The following STK10 variants were observed in gnomAD, a reference collection of about 807,000 sequenced individuals.
The protein encoded by STK10 is serine/threonine kinase 10.
STK10 carries 78 observed loss-of-function variants against 113.8 expected under a neutral mutation model. The ratio of observed to expected loss-of-function variants is 0.69; its 90% CI spans 0.57 to 0.83. The LOEUF (loss-of-function observed/expected upper bound fraction) is 0.83. Ranked by LOEUF, STK10 falls within the 40% of genes least tolerant of loss-of-function variation. The pLI is 0.00. For missense variants in STK10, 1,109 were observed against 1,280.1 expected (o/e 0.87, Z 2.04); for synonymous variants, 465 against 494.7 (o/e 0.94, Z 0.80).
intron 1 of STK10, among the ~76,000 whole-genome samples, chr5:172,174,752 A>T (rs186132878): frequency 1.6e-4 from 24 of 152,318 alleles, no homozygotes; most frequent in African/African-American, 5.1e-4. Context: ...CCAGCTGTAC[A>T]GAGTCACAGG....
intron 2 of STK10, among the ~76,000 whole-genome samples, chr5:172,153,273 C>G (rs1180016261): frequency 7.9e-6 from 1 of 126,552 alleles, no homozygotes. Flanking sequence ...GCAACAGGAG[C>G]AAAACTCCAT....
chr5:172,132,463 C>A (rs1179376368), intron 2 of STK10, among the ~76,000 whole-genome samples: 1 of 151,796 alleles, frequency 6.6e-6, no homozygotes, highest in African/African-American at 2.4e-5. Context: ...CCGTGCCCAC[C>A]CGTGATGAAG....
chr5:172,177,269 A>G (rs187918761), intron 1 of STK10, among the ~76,000 whole-genome samples: 16 of 152,286 alleles, frequency 1.1e-4, no homozygotes, highest in South Asian at 2.1e-4. Flanking sequence ...GAAGCAGAGC[A>G]GGCCCTCGTT....
chr5:172,176,487 G>C (rs17074401), intron 1 of STK10, among the ~76,000 whole-genome samples: 1 of 151,938 alleles, frequency 6.6e-6, no homozygotes, highest in Non-Finnish European at 1.5e-5. Context: ...GGTCACCAGG[G>C]TCGGTCACTC....
At chr5:172,050,685 CA>C (rs1261827330) in intron 18 of STK10, among the ~76,000 whole-genome samples, 2 of 152,066 alleles carry the variant, frequency 1.3e-5, no homozygotes, top group Non-Finnish European at 2.9e-5. Flanking sequence ...AACCTGTGTC[CA>C]CCAGCCTGAA....
chr5:172,078,759 G>A (rs892523443), intron 12 of STK10, among the ~76,000 whole-genome samples: 1 of 148,332 alleles, frequency 6.7e-6, no homozygotes, highest in African/African-American at 2.6e-5. Context: ...AACCCCAGGT[G>A]CCAGATCCCA....
At position 172,042,962 on chromosome 5, in the gene STK10, C is replaced by T. The variant is rs1767408852; in HGVS notation, c.*1920G>A. 1 of 152,292 alleles carries T rather than the reference C, an allele frequency of 6.6e-6. No individual in the cohort carries two copies. The allele number at this position is 152,292 out of a possible 1,614,324, so 9.4% of individuals were successfully genotyped here. On this transcript the variant is annotated 3_prime_UTR_variant, in exon 19 of 19. Transcript: ENST00000176763. ...CTTTAGAAAGACAGAGTATACAGAA[C>T]CTTAACCTAGCTGGGTGCAGTAGCA...
chr5:172,055,868 G>T (rs1767741291), intron 15 of STK10, 92 bp from the exon 16 acceptor site: 2 of 1,150,456 alleles, frequency 1.7e-6, no homozygotes. Context: ...CCACTCAGGG[G>T]CCCAGGACCA....
At chr5:172,149,071 G>A (rs1281762483) in intron 2 of STK10, among the ~76,000 whole-genome samples, 1 of 152,204 alleles carries the variant, frequency 6.6e-6, no homozygotes, top group Non-Finnish European at 1.5e-5. Flanking sequence ...GGAGGCTAAG[G>A]AGGGAGGATT....
intron 2 of STK10, among the ~76,000 whole-genome samples, chr5:172,137,786 G>A (rs1039314912): frequency 4.7e-5 from 7 of 150,130 alleles, no homozygotes; most frequent in South Asian, 4.2e-4. Context: ...CCAGCTACTC[G>A]GGAGGCTGAG....
intron 2 of STK10, among the ~76,000 whole-genome samples, 160 bp downstream of exon 2, chr5:172,156,464 G>C (rs1770349957): frequency 6.6e-6 from 1 of 152,244 alleles, no homozygotes; most frequent in African/African-American, 2.4e-5. Flanking sequence ...ACAGGAAAGG[G>C]TGGGTAAGTG....
chr5:172,161,326 G>A (rs556408445), intron 1 of STK10, among the ~76,000 whole-genome samples: 11 of 152,106 alleles, frequency 7.2e-5, no homozygotes, highest in Admixed American at 5.9e-4. Flanking sequence ...GGTGGTGACC[G>A]CCTGTAGTCC....
rs1768603668 is a variant in STK10 at position 172,087,743 on chromosome 5, C to T, written c.1685+2489G>A. ...TCCCGGGTTCACGCCATTCTCCTGC[C>T]TCAGCCTCCCGAGTAGCTGGGACTA... On this transcript the variant is annotated intron_variant, in intron 10 of 18. Transcript: ENST00000176763. Among the ~76,000 whole-genome samples the T allele has an allele frequency of 9.0e-5, 12 of 133,860 alleles. 1 individual carries two copies. In the South Asian group the frequency reaches 2.8e-3, roughly 31 times the overall value. 87.8% of individuals were successfully genotyped at this position (133,860 alleles called of 152,430 possible).
At chr5:172,160,336 G>A (rs1788007240) in intron 1 of STK10, among the ~76,000 whole-genome samples, 1 of 151,872 alleles carries the variant, frequency 6.6e-6, no homozygotes, top group African/African-American at 2.4e-5. Context: ...CTAGCCAAGT[G>A]TGGTGGCACA....
chr5:172,091,344 C>G (rs1392381253), intron 9 of STK10, among the ~76,000 whole-genome samples: 1 of 152,168 alleles, frequency 6.6e-6, no homozygotes, highest in African/African-American at 2.4e-5. Context: ...GCATAATCGT[C>G]ATCTTTTCCT....
intron 2 of STK10, 26 bp from the exon 3 acceptor site, chr5:172,127,447 C>A: frequency 4.3e-6 from 7 of 1,612,708 alleles, no homozygotes. Context: ...GGCAAAGTGA[C>A]AATGAGTGGG....
chr5:172,161,205 A>T (rs986293926), intron 1 of STK10, among the ~76,000 whole-genome samples: 3 of 152,114 alleles, frequency 2.0e-5, no homozygotes, highest in South Asian at 2.1e-4. Context: ...TAATCCTAGC[A>T]CTTTGGGAAG....
chr5:172,144,365 C>T (rs1174765302), intron 2 of STK10, among the ~76,000 whole-genome samples: 2 of 152,146 alleles, frequency 1.3e-5, no homozygotes, highest in East Asian at 1.9e-4. Flanking sequence ...GTCAGTGGGG[C>T]GGTGCTGGGA....
chr5:172,185,612 C>G (rs1205584402), intron 1 of STK10, among the ~76,000 whole-genome samples: 1 of 152,200 alleles, frequency 6.6e-6, no homozygotes, highest in Non-Finnish European at 1.5e-5. Flanking sequence ...CCAACTGAAC[C>G]TTCTGGAGAA....
Sources: gnomAD v4.1 joint callset for allele counts (sites outside exome capture counted in the v4.1 genomes callset) on GRCh38, gnomAD v4.1.1 for gene constraint, MANE v1.5 for transcripts, NCBI Gene and HGNC (gene_info 2026-07-23, HGNC 2026-07-21) for gene names.